The following PKD1L3 variants were observed in gnomAD, a reference collection of about 807,000 sequenced individuals.
The protein encoded by PKD1L3 is polycystin 1 like 3, transient receptor potential channel interacting.
PKD1L3 carries 239 observed loss-of-function variants against 184.1 expected under a neutral mutation model. That is an observed-to-expected ratio of 1.30 (90% confidence interval 1.17 to 1.45). The LOEUF is 1.45. Ranked by LOEUF, PKD1L3 falls within the 40% of genes most tolerant of loss-of-function variation. The pLI, the probability that PKD1L3 is intolerant of heterozygous loss-of-function variation, is 0.00. For synonymous variants in PKD1L3, 996 were observed against 778.8 expected (o/e 1.28, Z -4.64); for missense variants, 2,660 against 2,067.2 (o/e 1.29, Z -5.56).
chr16:71,947,488 T>C lies in PKD1L3; in HGVS notation c.3718+4A>G. 6.6e-7 allele frequency: 1 copy of C among 1,518,612 alleles called. No individual in the cohort carries two copies. The highest frequency in any genetic ancestry group is 8.9e-7 in the Non-Finnish European group (1 of 1,118,742). 94.1% of individuals were successfully genotyped at this position (1,518,612 alleles called of 1,614,324 possible). On this transcript the variant is annotated splice_donor_region_variant and intron_variant, in intron 22 of 29. Transcript: ENST00000620267. ...TAGGTAGTTGTTAGAACTACTTGAGTTACCCAAGAGTGCCAAGATCCTCTT... is the reference window on the plus strand; with the variant it reads ...TAGGTAGTTGTTAGAACTACTTGAGCTACCCAAGAGTGCCAAGATCCTCTT...
At chr16:71,948,624 G>A (rs1368090567) in intron 21 of PKD1L3, among the ~76,000 whole-genome samples, 1 of 152,016 alleles carries the variant, frequency 6.6e-6, no homozygotes, top group African/African-American at 2.4e-5. Context: ...TCCTTAACGA[G>A]CACTGGCTGT....
intron 18 of PKD1L3, 123 bp from the exon 19 acceptor site, chr16:71,951,867 C>G (rs2038848146): frequency 1.2e-5 from 10 of 841,650 alleles, no homozygotes; most frequent in South Asian, 4.3e-5. Context: ...CAAAGAACCT[C>G]AATTTTTCAT....
intron 16 of PKD1L3, among the ~76,000 whole-genome samples, chr16:71,956,737 CT>C (rs1192306666): frequency 6.6e-6 from 1 of 152,162 alleles, no homozygotes. Flanking sequence ...CTCTGGAGCT[CT>C]GTTGCACAGC....
At chr16:71,999,436 C>A (rs1172574476) in intron 1 of PKD1L3, among the ~76,000 whole-genome samples, 1 of 152,072 alleles carries the variant, frequency 6.6e-6, no homozygotes, top group Non-Finnish European at 1.5e-5. Flanking sequence ...TAGCATAATT[C>A]TTTTAGTGAA....
At chr16:71,958,041 A>G (rs887160865) in intron 16 of PKD1L3, among the ~76,000 whole-genome samples, 5 of 152,170 alleles carry the variant, frequency 3.3e-5, no homozygotes, top group African/African-American at 4.8e-5. Context: ...TAAGGGAAAA[A>G]TAACAAAAAA....
intron 16 of PKD1L3, among the ~76,000 whole-genome samples, chr16:71,958,815 G>A (rs7186518): frequency 0.46 from 65,376 of 141,616 alleles, 16,128 homozygotes; most frequent in South Asian, 0.57. Context: ...AGTCGGGCAC[G>A]GTGGCTCACA....
At chr16:71,973,932 G>A (rs1376496426) in intron 11 of PKD1L3, among the ~76,000 whole-genome samples, 2 of 151,748 alleles carry the variant, frequency 1.3e-5, no homozygotes, top group East Asian at 1.9e-4. Context: ...AACTTGGGAG[G>A]TGGAAGTTGC....
Position 71,986,229 on chromosome 16 carries a change from A to AT in PKD1L3, c.825dup (p.Ser276IlefsTer7). 1 of 1,552,354 alleles carries AT rather than the reference A, an allele frequency of 6.4e-7. No individual in the cohort carries two copies. The highest frequency in any genetic ancestry group is 8.7e-7 in the Non-Finnish European group (1 of 1,147,120). ...GAATTTCCCATGTTTACCTGACCAG[A>AT]TGCCTTCTGCAATGACACTTGTAGA... On this transcript the variant is annotated frameshift_variant, in exon 5 of 30. Coordinates refer to ENST00000620267, the MANE Select transcript of PKD1L3 (RefSeq NM_181536.2). LOFTEE classifies it high-confidence loss of function.
At chr16:71,974,146 C>T (rs2039830482) in intron 11 of PKD1L3, among the ~76,000 whole-genome samples, 1 of 152,106 alleles carries the variant, frequency 6.6e-6, no homozygotes, top group African/African-American at 2.4e-5. Context: ...GTAACAAACC[C>T]CAGGGTGAAG....
At position 71,938,352 on chromosome 16, in the gene PKD1L3, G is replaced by T. The variant is rs573881734; in HGVS notation, c.4325-933C>A. 1.4e-4 allele frequency among the ~76,000 whole-genome samples: 21 copies of T among 152,370 alleles called. No individual in the cohort carries two copies. In the South Asian group the frequency reaches 3.1e-3, roughly 23 times the overall value. ...ATGTGAGGCAGGGAGGGTAAGGGGG[G>T]GCTGAGGGTGGCTTGCCATGGGCCC... On this transcript the variant is annotated intron_variant, in intron 24 of 29. Coordinates refer to ENST00000620267, the MANE Select transcript of PKD1L3 (RefSeq NM_181536.2).
chr16:71,971,188 C>T (rs903485424), intron 12 of PKD1L3, among the ~76,000 whole-genome samples: 3 of 152,138 alleles, frequency 2.0e-5, no homozygotes, highest in African/African-American at 4.8e-5. Context: ...CAGAGGGCTT[C>T]AATTATTCAT....
rs1240946798 is a variant in PKD1L3 at position 71,929,683 on chromosome 16, G to C, written c.5059-5C>G. 1.3e-6 allele frequency: 2 copies of C among 1,532,602 alleles called. No homozygotes were observed. Among genetic ancestry groups the C allele is most frequent in the Non-Finnish European group, 1.8e-6 (2 of 1,140,200 alleles). The allele number at this position is 1,532,602 out of a possible 1,614,324, so 94.9% of individuals were successfully genotyped here. A position where few individuals can be genotyped will look rare whatever the true frequency, so the allele number is the denominator to read the frequency against. On this transcript the variant is annotated splice_region_variant and splice_polypyrimidine_tract_variant and intron_variant, in intron 29 of 29. Coordinates refer to ENST00000620267, the MANE Select transcript of PKD1L3 (RefSeq NM_181536.2). Reference sequence around the variant, plus strand: ...ATCTATTAGTGCAGCTTCTTTCTGAGTATTGAAGACAAAAAGAGAAAAGTG... The same window carrying C: ...ATCTATTAGTGCAGCTTCTTTCTGACTATTGAAGACAAAAAGAGAAAAGTG...
rs1254842814 is a variant in PKD1L3, at chr16:72,000,281, T to C, written c.-303A>G. ...AAAGCTGAGTCTAAGCTGCACTGGG[T>C]AGAGGATGATGAATATCTAACATCT... is the stretch of plus-strand genomic sequence containing the variant. On this transcript the variant is annotated 5_prime_UTR_variant, in exon 1 of 30. Transcript: ENST00000620267. Among the ~76,000 whole-genome samples, 1 of 152,106 alleles carries C rather than the reference T, an allele frequency of 6.6e-6. No individual in the cohort carries two copies. Among genetic ancestry groups the C allele is most frequent in the East Asian group, 1.9e-4 (1 of 5,196 alleles).
chr16:71,977,296 G>T lies in PKD1L3; in HGVS notation c.1699C>A (p.Pro567Thr). The change falls in exon 11 of 30, where the codon CCT (proline) becomes ACT (threonine). Residue 567 changes from proline (P) to threonine (T), a missense_variant. By Grantham distance (38) the Pro-to-Thr change is conservative. Coordinates refer to ENST00000620267, the MANE Select transcript of PKD1L3 (RefSeq NM_181536.2). ...MTLYLGFQYQ[P>T]NCTHFHLNIT... ...TTCAGGTGGAAGTGAGTGCAGTTAG[G>T]CTGATACTGGAACCCCAGGTAGAGT... The T allele has an allele frequency of 6.5e-7, 1 of 1,543,040 alleles. No homozygotes were observed. The highest frequency in any genetic ancestry group is 8.8e-7 in the Non-Finnish European group (1 of 1,139,160).
chr16:71,964,226 A>G (rs1157246957), intron 15 of PKD1L3, among the ~76,000 whole-genome samples: 1 of 147,144 alleles, frequency 6.8e-6, no homozygotes, highest in Non-Finnish European at 1.5e-5. Context: ...TATTCGGCAA[A>G]CCTCCTCCTT....
intron 4 of PKD1L3, 108 bp from the exon 5 acceptor site, chr16:71,986,577 A>C: frequency 8.0e-7 from 1 of 1,251,976 alleles, no homozygotes; most frequent in Non-Finnish European, 1.1e-6. Flanking sequence ...TGAGATACTA[A>C]TAGGCATTTC....
Position 71,949,758 on chromosome 16 carries a change from A to G in PKD1L3, c.3618+25T>C, listed in dbSNP as rs74027720. 6.8e-3 allele frequency: 10,469 copies of G among 1,538,828 alleles called. 448 individuals are homozygous for G. The African/African-American group carries it at 0.11, about 16-fold the overall frequency. ...AGTTCCCCTAACTTCTGCAACTCCA[A>G]TGGTTCTTCCCATCCCTCACATACC... On this transcript the variant is annotated intron_variant, in intron 21 of 29. Transcript: ENST00000620267.
At position 71,999,589 on chromosome 16, in the gene PKD1L3, C is replaced by T. The variant is rs184969912; in HGVS notation, c.295+95G>A. 2,169 of 1,252,120 alleles carry T rather than the reference C, an allele frequency of 1.7e-3. 2 individuals carry two copies. Among genetic ancestry groups the T allele is most frequent in the South Asian group, 2.5e-3 (123 of 49,720 alleles). The allele number at this position is 1,252,120 out of a possible 1,614,324, so 77.6% of individuals were successfully genotyped here. On this transcript the variant is annotated intron_variant, in intron 1 of 29. Transcript: ENST00000620267. ...GTAAAGTGACTGGTTTTTCTGTCTA[C>T]AAAAGCAGAAAGATTAAGATTTTCT...
intron 3 of PKD1L3, 98 bp downstream of exon 3, chr16:71,993,118 T>C (rs1259853915): frequency 8.3e-6 from 7 of 848,158 alleles, no homozygotes; most frequent in Non-Finnish European, 3.6e-6. Context: ...ATTGGGCACA[T>C]GTTATAACAC....
Sources: gnomAD v4.1 joint callset for allele counts (sites outside exome capture counted in the v4.1 genomes callset) on GRCh38, gnomAD v4.1.1 for gene constraint, MANE v1.5 for transcripts, NCBI Gene and HGNC (gene_info 2026-07-23, HGNC 2026-07-21) for gene names.